Variants in NHSL1 observed in about 807,000 individuals in gnomAD.
The protein encoded by NHSL1 is NHS-like protein 1.
A neutral mutation model predicts 95.0 loss-of-function variants in NHSL1; 48 were observed. The observed-to-expected ratio is 0.51, with a 90% CI of 0.40 to 0.64. NHSL1 has a LOEUF of 0.64. NHSL1 is among the 30% of genes least tolerant of loss of function. The probability of loss-of-function intolerance (pLI) is 0.00; values close to 1 mark genes in which losing one functional copy is unlikely to be tolerated. For synonymous variants in NHSL1, 783 were observed against 833.9 expected (o/e 0.94, Z 1.05); for missense variants, 1,971 against 2,077.7 (o/e 0.95, Z 1.00).
At chr6:138,532,411 G>A (rs1396474468) in intron 1 of NHSL1, among the ~76,000 whole-genome samples, 1 of 152,178 alleles carries the variant, frequency 6.6e-6, no homozygotes, top group African/African-American at 2.4e-5. Context: ...TTGGAGAAGG[G>A]ATGCTAGGTA....
intron 1 of NHSL1, among the ~76,000 whole-genome samples, chr6:138,684,564 G>A (rs1258347362): frequency 2.0e-5 from 3 of 152,060 alleles, no homozygotes; most frequent in African/African-American, 7.2e-5. Context: ...AGAATCACTT[G>A]AACCCGGGAG....
intron 4 of NHSL1, among the ~76,000 whole-genome samples, chr6:138,444,070 C>G (rs1776704839): frequency 1.3e-5 from 2 of 152,126 alleles, no homozygotes; most frequent in African/African-American, 2.4e-5. Flanking sequence ...TTTAGCATCC[C>G]CTATGGCACT....
chr6:138,664,648 T>C (rs1171065801), intron 1 of NHSL1, among the ~76,000 whole-genome samples: 1 of 152,200 alleles, frequency 6.6e-6, no homozygotes, highest in Non-Finnish European at 1.5e-5. Context: ...AGAACGAATA[T>C]GACACAAATC....
In NHSL1 at chr6:138,685,018, A is replaced by C. The variant is rs566996456; in HGVS notation, c.96+7458T>G. On this transcript the variant is annotated intron_variant, in intron 1 of 3. Coordinates refer to the NHSL1 transcript ENST00000491526. ...CTGCTGGAAAAACTTGGTTTTTTAAACATAATAAAATGACTGCCAGAGGCA... is the reference window on the plus strand; with the variant it reads ...CTGCTGGAAAAACTTGGTTTTTTAACCATAATAAAATGACTGCCAGAGGCA... Among the ~76,000 whole-genome samples, 28 of 152,304 alleles carry C rather than the reference A, an allele frequency of 1.8e-4. No individual in the cohort carries two copies. In the South Asian group the frequency reaches 5.6e-3, roughly 30 times the overall value.
At chr6:138,661,318 T>C (rs1003208716) in intron 1 of NHSL1, among the ~76,000 whole-genome samples, 8 of 152,008 alleles carry the variant, frequency 5.3e-5, no homozygotes, top group Admixed American at 4.6e-4. Context: ...ACCACTGTAC[T>C]CTCTGTAGAA....
At chr6:138,594,606 A>T (rs1433148269) in intron 1 of NHSL1, among the ~76,000 whole-genome samples, 1 of 152,046 alleles carries the variant, frequency 6.6e-6, no homozygotes, top group Non-Finnish European at 1.5e-5. Flanking sequence ...ATACAATACG[A>T]TCCCCAATAA....
intron 1 of NHSL1, among the ~76,000 whole-genome samples, chr6:138,525,364 TA>T (rs1363724497): frequency 2.0e-5 from 3 of 151,242 alleles, no homozygotes; most frequent in African/African-American, 4.9e-5. Context: ...TCTCTCTCTA[TA>T]AAAAAATTAA....
intron 1 of NHSL1, among the ~76,000 whole-genome samples, chr6:138,652,862 T>C (rs899471328): frequency 2.0e-5 from 3 of 152,250 alleles, no homozygotes; most frequent in Admixed American, 6.5e-5. Flanking sequence ...CTTTTTAAAA[T>C]TTTAATTACC....
At chr6:138,500,533 AC>A (rs771189725), upstream of NHSL1, among the ~76,000 whole-genome samples, 1 of 152,176 alleles carries the variant, frequency 6.6e-6, no homozygotes, top group Non-Finnish European at 1.5e-5. Flanking sequence ...AATTTAGACA[AC>A]CTCTTATTTC....
upstream of NHSL1, among the ~76,000 whole-genome samples, chr6:138,573,455 T>C (rs894858151): frequency 1.3e-5 from 2 of 152,154 alleles, no homozygotes; most frequent in African/African-American, 4.8e-5. Flanking sequence ...CAAACTGCAA[T>C]AGAAAATAAA....
intron 5 of NHSL1, 28 bp downstream of exon 5, chr6:138,441,954 CA>C: frequency 6.5e-7 from 1 of 1,532,630 alleles, no homozygotes; most frequent in Non-Finnish European, 8.8e-7. Flanking sequence ...CAGTGAAGGG[CA>C]ACAGAATACA....
intron 1 of NHSL1, among the ~76,000 whole-genome samples, chr6:138,664,392 G>C (rs1785268223): frequency 6.6e-6 from 1 of 152,132 alleles, no homozygotes; most frequent in African/African-American, 2.4e-5. Context: ...TCACAGATTA[G>C]TTTTAGGGAA....
At chr6:138,618,520 T>C (rs540126065) in intron 1 of NHSL1, among the ~76,000 whole-genome samples, 138 of 152,340 alleles carry the variant, frequency 9.1e-4, no homozygotes, top group Non-Finnish European at 1.5e-3. Context: ...TTTAGGTCAT[T>C]GCAGAAAAGC....
intron 1 of NHSL1, among the ~76,000 whole-genome samples, chr6:138,523,625 A>AG (rs1404202919): frequency 6.0e-5 from 8 of 133,876 alleles, no homozygotes; most frequent in South Asian, 2.5e-4. Context: ...TGTTTTAAAG[A>AG]GGAAAAAAAA....
intron 1 of NHSL1, among the ~76,000 whole-genome samples, chr6:138,513,489 G>A (rs775190299): frequency 2.6e-5 from 4 of 151,910 alleles, no homozygotes; most frequent in African/African-American, 4.8e-5. Flanking sequence ...CCCCTGCTTC[G>A]GCCTCCCAAG....
At chr6:138,470,122 T>G (rs758395300) in intron 3 of NHSL1, among the ~76,000 whole-genome samples, 2 of 152,200 alleles carry the variant, frequency 1.3e-5, no homozygotes, top group Non-Finnish European at 2.9e-5. Flanking sequence ...TTAACAGAGA[T>G]TGCCTTGAGA....
intron 3 of NHSL1, 33 bp downstream of exon 3, chr6:138,473,273 A>C: frequency 1.3e-6 from 2 of 1,504,844 alleles, no homozygotes; most frequent in Non-Finnish European, 1.8e-6. Flanking sequence ...CTGGGACCCA[A>C]CCCAGGACCC....
chr6:138,509,642 A>G (rs1781128240), intron 1 of NHSL1, among the ~76,000 whole-genome samples: 1 of 152,234 alleles, frequency 6.6e-6, no homozygotes, highest in East Asian at 1.9e-4. Context: ...CATTTACAGA[A>G]GACAACATGC....
chr6:138,495,502 AC>A (rs1169899379), intron 2 of NHSL1, among the ~76,000 whole-genome samples: 1 of 152,200 alleles, frequency 6.6e-6, no homozygotes, highest in Non-Finnish European at 1.5e-5. Context: ...GTTCAAAAAA[AC>A]AAATTGGTTT....
Sources: gnomAD v4.1 joint callset for allele counts (sites outside exome capture counted in the v4.1 genomes callset) on GRCh38, gnomAD v4.1.1 for gene constraint, MANE v1.5 for transcripts, NCBI Gene and HGNC (gene_info 2026-07-23, HGNC 2026-07-21) for gene names.